Variants in STK10 observed in about 807,000 individuals in gnomAD.
The protein encoded by STK10 is serine/threonine-protein kinase 10.
In STK10, 78 loss-of-function variants were observed where a neutral mutation model predicts 113.8. The observed-to-expected ratio is 0.69, with a 90% CI of 0.57 to 0.83. The LOEUF is 0.83. Ranked by LOEUF, STK10 falls within the 40% of genes least tolerant of loss-of-function variation. STK10 has a pLI of 0.00. For missense variants in STK10, 1,109 were observed against 1,280.1 expected (o/e 0.87, Z 2.04); for synonymous variants, 465 against 494.7 (o/e 0.94, Z 0.80).
At chr5:172,083,767 A>G (rs1241555614) in intron 10 of STK10, among the ~76,000 whole-genome samples, 1 of 151,750 alleles carries the variant, frequency 6.6e-6, no homozygotes, top group African/African-American at 2.4e-5. Context: ...AATTAGCTGG[A>G]CATGGTGGCA....
At chr5:172,047,586 C>T (rs552554571) in intron 18 of STK10, among the ~76,000 whole-genome samples, 1 of 152,196 alleles carries the variant, frequency 6.6e-6, no homozygotes, top group East Asian at 1.9e-4. Context: ...AGCCAGAAAG[C>T]TCCATGAGCG....
At chr5:172,098,082 T>A (rs1207641295) in intron 7 of STK10, among the ~76,000 whole-genome samples, 1 of 152,122 alleles carries the variant, frequency 6.6e-6, no homozygotes, top group Non-Finnish European at 1.5e-5. Context: ...AAATTCACTG[T>A]TTTTACTCTC....
rs3028101 is a variant in STK10 at position 172,118,878 on chromosome 5, C to CAAAAAAAAAAAAAAAA, written c.371-1264_371-1249dup. On this transcript the variant is annotated intron_variant, in intron 3 of 18. Transcript: ENST00000176763. ...TGGGTGACAGAGCGAGACTCAGTCT[C>CAAAAAAAAAAAAAAAA]AAAAAAAAAAAAAAAAAAAGTGTCC... Among the ~76,000 whole-genome samples, 74 of 71,288 alleles carry CAAAAAAAAAAAAAAAA rather than the reference C, an allele frequency of 1.0e-3. 2 individuals are homozygous for CAAAAAAAAAAAAAAAA. Among genetic ancestry groups the CAAAAAAAAAAAAAAAA allele is most frequent in the African/African-American group, 3.7e-3 (74 of 20,016 alleles). The allele number at this position is 71,288 out of a possible 152,430, so 46.8% of individuals were successfully genotyped here.
chr5:172,110,222 C>T (rs1268002690), intron 4 of STK10, among the ~76,000 whole-genome samples: 4 of 152,182 alleles, frequency 2.6e-5, no homozygotes, highest in African/African-American at 9.7e-5. Flanking sequence ...GTTGGGAAGA[C>T]AGGACCGGGG....
chr5:172,141,925 C>G (rs1438885041), intron 2 of STK10, among the ~76,000 whole-genome samples: 1 of 152,176 alleles, frequency 6.6e-6, no homozygotes, highest in African/African-American at 2.4e-5. Context: ...GCTACGGGAT[C>G]CTGGCAGGCC....
In STK10 at chr5:172,106,681, TGG is replaced by T; in HGVS notation, c.725_726del (p.Pro242HisfsTer20). ...TTGGCGATCTTTAGCAGGACCCGCATGGGGTTGAGCTCGTGGTGTGGCGGCTC... is the reference window on the plus strand; with the variant it reads ...TTGGCGATCTTTAGCAGGACCCGCATGGTTGAGCTCGTGGTGTGGCGGCTC... Reference protein sequence around the residue: ...QIEPPHHELNPMRVLLKIAKS... With the variant: ...QIEPPHHELNXMRVLLKIAKS... On this transcript the variant is annotated frameshift_variant, in exon 6 of 19. Coordinates refer to ENST00000176763, the MANE Select transcript of STK10 (RefSeq NM_005990.4). LOFTEE classifies it high-confidence loss of function. 1 of 1,613,912 alleles carries T rather than the reference TGG, an allele frequency of 6.2e-7. No homozygotes were observed. Among genetic ancestry groups the T allele is most frequent in the Non-Finnish European group, 8.5e-7 (1 of 1,180,008 alleles).
At chr5:172,166,733 C>T (rs544733767) in intron 1 of STK10, among the ~76,000 whole-genome samples, 9 of 152,220 alleles carry the variant, frequency 5.9e-5, no homozygotes, top group South Asian at 4.1e-4. Flanking sequence ...AATGGGTGAA[C>T]GCATTACTGA....
Position 172,044,532 on chromosome 5 carries a change from G to A in STK10, c.*350C>T, listed in dbSNP as rs1398736243. On this transcript the variant is annotated 3_prime_UTR_variant, in exon 19 of 19. Transcript: ENST00000176763. This position sits in a 1 kb window ranked among gnomAD's most constrained non-coding sequence, Gnocchi z 4.5. ...CTTTGTCCCACAGAGAGCAAAACTG[G>A]TATTTTCGCAAACAGGAGAGGACTC... 1 of 316,290 alleles carries A rather than the reference G, an allele frequency of 3.2e-6. No homozygotes were observed. The highest frequency in any genetic ancestry group is 6.1e-6 in the Non-Finnish European group (1 of 164,162). 19.6% of individuals were successfully genotyped at this position (316,290 alleles called of 1,614,324 possible).
intron 10 of STK10, among the ~76,000 whole-genome samples, chr5:172,085,194 G>A (rs1452717830): frequency 2.0e-5 from 3 of 151,922 alleles, no homozygotes; most frequent in Admixed American, 6.6e-5. Flanking sequence ...GCAGTGAGCC[G>A]TGACTATGCC....
rs1770981080 is a variant in STK10, at chr5:172,187,736, A to C, written c.156+151T>G. 2 of 1,245,326 alleles carry C rather than the reference A, an allele frequency of 1.6e-6. No homozygotes were observed. The highest frequency in any genetic ancestry group is 2.2e-6 in the Non-Finnish European group (2 of 920,332). 77.1% of individuals were successfully genotyped at this position (1,245,326 alleles called of 1,614,324 possible). ...GGGCCGAGTGATGTTCCCCCCAAAA[A>C]ACAAGAGTCATCGGGATGAGGGCCA... On this transcript the variant is annotated intron_variant, in intron 1 of 18. Coordinates refer to ENST00000176763, the MANE Select transcript of STK10 (RefSeq NM_005990.4). This position sits in a 1 kb window ranked among gnomAD's most constrained non-coding sequence, Gnocchi z 4.6.
intron 2 of STK10, among the ~76,000 whole-genome samples, chr5:172,150,873 G>A (rs769680586): frequency 1.3e-5 from 2 of 152,206 alleles, no homozygotes; most frequent in Non-Finnish European, 2.9e-5. Flanking sequence ...GGGTAACCAC[G>A]GCGCCAGCCA....
chr5:172,157,716 C>T (rs114065341), intron 1 of STK10, among the ~76,000 whole-genome samples: 391 of 152,032 alleles, frequency 2.6e-3, no homozygotes, highest in African/African-American at 9.0e-3. Context: ...CTCAGCCTCC[C>T]GAGAACTGGA....
intron 1 of STK10, among the ~76,000 whole-genome samples, chr5:172,169,953 T>C (rs939026472): frequency 6.6e-6 from 1 of 152,160 alleles, no homozygotes; most frequent in Non-Finnish European, 1.5e-5. Flanking sequence ...ACAATTTCAG[T>C]GACGCACGGG....
chr5:172,179,035 T>C (rs1336881267), intron 1 of STK10, among the ~76,000 whole-genome samples: 1 of 152,208 alleles, frequency 6.6e-6, no homozygotes, highest in Non-Finnish European at 1.5e-5. Context: ...AGCGCTGGTA[T>C]GAGGGCTATG....
chr5:172,185,805 A>AC (rs1770946450), intron 1 of STK10, among the ~76,000 whole-genome samples: 1 of 152,240 alleles, frequency 6.6e-6, no homozygotes, highest in African/African-American at 2.4e-5. Context: ...AGGAGAGTAA[A>AC]GAAAAGACGT....
chr5:172,140,174 G>A (rs1769944865), intron 2 of STK10, among the ~76,000 whole-genome samples: 1 of 152,120 alleles, frequency 6.6e-6, no homozygotes. Context: ...TGTCCAACAG[G>A]TAAATAAAAA....
intron 1 of STK10, among the ~76,000 whole-genome samples, chr5:172,173,490 T>G (rs1770697143): frequency 6.6e-6 from 1 of 152,134 alleles, no homozygotes; most frequent in Non-Finnish European, 1.5e-5. Context: ...AGCTTCTTTC[T>G]CCAGGGCACA....
At chr5:172,067,029 C>T (rs1397078144) in intron 12 of STK10, among the ~76,000 whole-genome samples, 3 of 152,146 alleles carry the variant, frequency 2.0e-5, no homozygotes, top group Non-Finnish European at 2.9e-5. Context: ...GATTATAATA[C>T]GGACCCACAG....
At chr5:172,065,743 C>T (rs188960146) in intron 12 of STK10, among the ~76,000 whole-genome samples, 1 of 152,276 alleles carries the variant, frequency 6.6e-6, no homozygotes, top group East Asian at 1.9e-4. Context: ...AGAAAAGCTA[C>T]CTGCTGTCCT....
Sources: gnomAD v4.1 joint callset for allele counts (sites outside exome capture counted in the v4.1 genomes callset) on GRCh38, gnomAD v4.1.1 for gene constraint, Gnocchi (gnomAD v3.1) non-coding constraint, MANE v1.5 for transcripts, NCBI Gene and HGNC (gene_info 2026-07-23, HGNC 2026-07-21) for gene names.